Variants in MYRIP observed in about 807,000 individuals in gnomAD.
The protein encoded by MYRIP is rab effector MyRIP.
Under a neutral mutation model 98.0 loss-of-function variants are expected in MYRIP, and 49 were observed. The ratio of observed to expected loss-of-function variants is 0.50; its 90% CI spans 0.40 to 0.63. MYRIP has a LOEUF of 0.63. MYRIP is among the 30% of genes least tolerant of loss of function. MYRIP has a pLI of 0.00. For synonymous variants in MYRIP, 404 were observed against 409.5 expected (o/e 0.99, Z 0.16); for missense variants, 1,004 against 1,058.2 (o/e 0.95, Z 0.71).
intron 3 of MYRIP, among the ~76,000 whole-genome samples, chr3:40,068,599 G>A (rs1476319018): frequency 6.6e-6 from 1 of 152,162 alleles, no homozygotes; most frequent in Non-Finnish European, 1.5e-5. Context: ...ACGGAGATAT[G>A]AAATGGAATC....
chr3:40,012,787 A>G lies in MYRIP; in HGVS notation c.111-31263A>G, dbSNP rs574191238. ...TATGCCATTGGCTTCCCTGGTTCTCAGGCCTTAGGACTGGAACTGAATTAC... is the reference window on the plus strand; with the variant it reads ...TATGCCATTGGCTTCCCTGGTTCTCGGGCCTTAGGACTGGAACTGAATTAC... On this transcript the variant is annotated intron_variant, in intron 2 of 16. Transcript: ENST00000302541. Among the ~76,000 whole-genome samples, 21 of 152,230 alleles carry G rather than the reference A, an allele frequency of 1.4e-4. No individual in the cohort carries two copies. In the East Asian group the frequency reaches 3.7e-3, roughly 27 times the overall value.
Position 39,841,184 on chromosome 3 carries a change from T to C in MYRIP, c.-31+31268T>C, listed in dbSNP as rs373371409. On this transcript the variant is annotated intron_variant, in intron 1 of 16. Coordinates refer to ENST00000302541, the MANE Select transcript of MYRIP (RefSeq NM_015460.4). ...TCATTCTTATTCTGTAATCTTGTCT[T>C]CATGGTTTATTTCATTAAGTTGATC... is the stretch of plus-strand genomic sequence containing the variant. Among the ~76,000 whole-genome samples, 5 of 152,268 alleles carry C rather than the reference T, an allele frequency of 3.3e-5. No individual in the cohort carries two copies. The East Asian group carries it at 7.7e-4, about 24-fold the overall frequency.
intron 3 of MYRIP, among the ~76,000 whole-genome samples, chr3:40,061,174 C>A (rs1051359529): frequency 3.3e-5 from 5 of 152,174 alleles, no homozygotes; most frequent in African/African-American, 1.2e-4. Context: ...CAGATTATTT[C>A]ATTACCCAGT....
In MYRIP at chr3:40,250,441, A is replaced by C; in HGVS notation, c.2370A>C (p.Val790=). The change falls in exon 15 of 17, where the codon GTA becomes GTC. Residue 790 remains valine, a splice_region_variant and synonymous_variant. Transcript: ENST00000302541. ...RRRDQKQRTQ[V]QTIDTSRQQR... is the part of the protein sequence containing the mutation. ...TGCTCATTGTGTTCTGTTTGTAGGT[A>C]CAAACCATAGATACATCAAGGCAGC... The C allele has an allele frequency of 1.2e-6, 2 of 1,614,232 alleles. No individual in the cohort carries two copies. The highest frequency in any genetic ancestry group is 1.7e-6 in the Non-Finnish European group (2 of 1,180,020).
intron 8 of MYRIP, among the ~76,000 whole-genome samples, chr3:40,175,888 TG>T (rs1225553192): frequency 6.6e-6 from 1 of 152,226 alleles, no homozygotes; most frequent in African/African-American, 2.4e-5. Flanking sequence ...GGCACACCTC[TG>T]GGAACCCCCA....
At chr3:40,180,068 A>T (rs1367149296) in intron 8 of MYRIP, among the ~76,000 whole-genome samples, 1 of 152,178 alleles carries the variant, frequency 6.6e-6, no homozygotes, top group African/African-American at 2.4e-5. Context: ...AAGCTGCATC[A>T]TCCAAACTGC....
intron 2 of MYRIP, among the ~76,000 whole-genome samples, chr3:39,997,163 A>C (rs1347155894): frequency 6.6e-6 from 1 of 152,190 alleles, no homozygotes; most frequent in Non-Finnish European, 1.5e-5. Context: ...ACCTAGCAGA[A>C]GGCAAGAAAT....
At chr3:39,972,336 C>T (rs1481940430) in intron 2 of MYRIP, among the ~76,000 whole-genome samples, 1 of 151,964 alleles carries the variant, frequency 6.6e-6, no homozygotes, top group Non-Finnish European at 1.5e-5. Context: ...GTACCTCTGT[C>T]TTTCCCAGCA....
intron 2 of MYRIP, among the ~76,000 whole-genome samples, chr3:39,941,045 C>G (rs188191849): frequency 6.6e-6 from 1 of 152,156 alleles, no homozygotes; most frequent in East Asian, 1.9e-4. Flanking sequence ...AAATCCTGCC[C>G]CACATCATTT....
At chr3:39,967,711 G>C (rs1043413194) in intron 2 of MYRIP, among the ~76,000 whole-genome samples, 5 of 152,118 alleles carry the variant, frequency 3.3e-5, no homozygotes, top group Admixed American at 3.3e-4. Context: ...CAGTGTATAA[G>C]TGTTCCCATT....
At chr3:39,996,796 C>T (rs1024608441) in intron 2 of MYRIP, among the ~76,000 whole-genome samples, 2 of 152,148 alleles carry the variant, frequency 1.3e-5, no homozygotes, top group African/African-American at 2.4e-5. Context: ...AAGCACTCCT[C>T]AGCAAATGTA....
intron 8 of MYRIP, among the ~76,000 whole-genome samples, chr3:40,179,328 G>T (rs1660205330): frequency 6.6e-6 from 1 of 152,108 alleles, no homozygotes; most frequent in Non-Finnish European, 1.5e-5. Flanking sequence ...GTGGAACACT[G>T]ATTTGCCTGA....
At chr3:39,986,204 C>T (rs1336752821) in intron 2 of MYRIP, among the ~76,000 whole-genome samples, 2 of 152,158 alleles carry the variant, frequency 1.3e-5, no homozygotes, top group Non-Finnish European at 2.9e-5. Context: ...GATATCCAAG[C>T]ATTAAGGGTG....
chr3:39,833,706 T>C (rs1463877555), intron 1 of MYRIP, among the ~76,000 whole-genome samples: 1 of 152,162 alleles, frequency 6.6e-6, no homozygotes, highest in Admixed American at 6.5e-5. Flanking sequence ...TCTTATGCTT[T>C]TAGGGTGTTA....
chr3:40,218,613 TATATATA>T (rs1213909828), intron 11 of MYRIP, among the ~76,000 whole-genome samples: 2 of 16,248 alleles, frequency 1.2e-4, no homozygotes, highest in African/African-American at 1.9e-4. Context: ...ATATATATTT[TATATATA>T]TATATATATA....
At chr3:39,870,414 CA>C (rs1454063905) in intron 1 of MYRIP, among the ~76,000 whole-genome samples, 1 of 152,158 alleles carries the variant, frequency 6.6e-6, no homozygotes, top group Non-Finnish European at 1.5e-5. Flanking sequence ...AGAGAATTCT[CA>C]AATGATACAA....
In MYRIP at chr3:40,113,293, G is replaced by A. The variant is rs536176856; in HGVS notation, c.333-37755G>A. Among the ~76,000 whole-genome samples, 28 of 152,152 alleles carry A rather than the reference G, an allele frequency of 1.8e-4. No individual in the cohort carries two copies. The East Asian group carries it at 3.5e-3, about 19-fold the overall frequency. On this transcript the variant is annotated intron_variant, in intron 3 of 16. Transcript: ENST00000302541. ...TGAGTATCTGGGATTACAGGCACCC[G>A]CCACCACACCTGGGTAATTTTTTGT...
intron 1 of MYRIP, among the ~76,000 whole-genome samples, chr3:39,835,469 C>T (rs764935147): frequency 2.0e-5 from 3 of 151,974 alleles, no homozygotes; most frequent in Non-Finnish European, 4.4e-5. Flanking sequence ...AAACATACCA[C>T]AAATATTTTA....
intron 2 of MYRIP, among the ~76,000 whole-genome samples, chr3:39,942,695 T>C (rs1944817282): frequency 2.0e-5 from 3 of 152,126 alleles, no homozygotes; most frequent in Admixed American, 2.0e-4. Context: ...TTTTGAAATG[T>C]GTAATAGATT....
Sources: gnomAD v4.1 joint callset for allele counts (sites outside exome capture counted in the v4.1 genomes callset) on GRCh38, gnomAD v4.1.1 for gene constraint, MANE v1.5 for transcripts, NCBI Gene and HGNC (gene_info 2026-07-23, HGNC 2026-07-21) for gene names.